PAFAH1B2: variants seen among roughly 807,000 people sequenced by gnomAD.
PAFAH1B2 encodes platelet-activating factor acetylhydrolase IB subunit alpha2.
A neutral mutation model predicts 28.0 loss-of-function variants in PAFAH1B2; 8 were observed. That is an observed-to-expected ratio of 0.29 (90% CI 0.17 to 0.52). The LOEUF (loss-of-function observed/expected upper bound fraction) is 0.52. Among genes scored for constraint, PAFAH1B2 ranks in the 20% least tolerant of loss-of-function variants. PAFAH1B2 has a pLI of 0.97. For synonymous variants in PAFAH1B2, 104 were observed against 103.2 expected (o/e 1.01, Z -0.05); for missense variants, 190 against 282.6 (o/e 0.67, Z 2.35).
At chr11:117,164,288 T>C (rs2134207236) in intron 5 of PAFAH1B2, among the ~76,000 whole-genome samples, 1 of 152,206 alleles carries the variant, frequency 6.6e-6, no homozygotes, top group South Asian at 2.1e-4. Flanking sequence ...GCGCCTGTAG[T>C]CCCAGCTACT....
At chr11:117,154,537 C>T (rs1343574840) in intron 2 of PAFAH1B2, among the ~76,000 whole-genome samples, 1 of 152,302 alleles carries the variant, frequency 6.6e-6, no homozygotes, top group South Asian at 2.1e-4. Context: ...GCTTCCCGGG[C>T]TTAAGTGATC....
intron 5 of PAFAH1B2, among the ~76,000 whole-genome samples, chr11:117,164,888 T>C (rs994890837): frequency 3.3e-5 from 5 of 151,442 alleles, no homozygotes; most frequent in Non-Finnish European, 5.9e-5. Flanking sequence ...ACAAAAAAAT[T>C]AGCTGGGCGT....
At chr11:117,166,698 T>G (rs1956519250) in intron 5 of PAFAH1B2, among the ~76,000 whole-genome samples, 1 of 152,200 alleles carries the variant, frequency 6.6e-6, no homozygotes, top group South Asian at 2.1e-4. Flanking sequence ...ATAGCTCTGA[T>G]TCATCAAGAC....
rs751547277 is a variant in PAFAH1B2, at chr11:117,169,329, A to T, written c.*1630A>T. ...AAATGGGATAATAGATGATTTTATC[A>T]GTATACCTGTGGAATATGTACAAAC... is the stretch of plus-strand genomic sequence containing the variant. On this transcript the variant is annotated 3_prime_UTR_variant, in exon 6 of 6. Transcript: ENST00000527958. 9.8e-5 allele frequency: 103 copies of T among 1,048,242 alleles called. No homozygotes were observed. Among genetic ancestry groups the T allele is most frequent in the Non-Finnish European group, 1.2e-4 (103 of 868,622 alleles). The allele number at this position is 1,048,242 out of a possible 1,614,324, so 64.9% of individuals were successfully genotyped here. A position where few individuals can be genotyped will look rare whatever the true frequency, so the allele number is the denominator to read the frequency against.
chr11:117,164,906 C>T (rs144762883), intron 5 of PAFAH1B2, among the ~76,000 whole-genome samples: 3,626 of 151,078 alleles, frequency 0.024, 76 homozygotes, highest in South Asian at 0.098. Flanking sequence ...CGTGGTGGCA[C>T]GTGCCTGTAA....
At chr11:117,175,977 G>C, downstream of PAFAH1B2, 1 of 1,500,382 alleles carries the variant, frequency 6.7e-7, no homozygotes, top group Non-Finnish European at 9.0e-7. Context: ...ATCCTACACT[G>C]ATTCTCCAAA....
chr11:117,161,537 C>T (rs970591918), intron 4 of PAFAH1B2, among the ~76,000 whole-genome samples: 8 of 140,612 alleles, frequency 5.7e-5, no homozygotes, highest in African/African-American at 1.1e-4. Context: ...GAGATGGAGT[C>T]TTGCTTTGTC....
At chr11:117,159,641 G>A (rs1229840953) in intron 2 of PAFAH1B2, 1 of 299,920 alleles carries the variant, frequency 3.3e-6, no homozygotes, top group Non-Finnish European at 6.3e-6. Context: ...TGACTGAGGT[G>A]GGAAGATGAC....
chr11:117,146,988 G>C (rs536270752), intron 1 of PAFAH1B2, among the ~76,000 whole-genome samples: 22 of 152,126 alleles, frequency 1.4e-4, no homozygotes, highest in African/African-American at 5.3e-4. Flanking sequence ...AAAAAAGCCG[G>C]CCGGGCGTGG....
In PAFAH1B2 at chr11:117,163,908, T is replaced by C. The variant is rs1288730263; in HGVS notation, c.411+16T>C. 6.2e-7 allele frequency: 1 copy of C among 1,612,058 alleles called. No homozygotes were observed. The highest frequency in any genetic ancestry group is 1.1e-5 in the South Asian group (1 of 90,730). On this transcript the variant is annotated intron_variant, in intron 5 of 5. Coordinates refer to ENST00000527958, the MANE Select transcript of PAFAH1B2 (RefSeq NM_002572.4). ...CATTGTATTGGTATGTAGTCGTTGG[T>C]GGGTAGAGAGTTTGTTATCTTTAGG...
intron 4 of PAFAH1B2, among the ~76,000 whole-genome samples, chr11:117,161,512 G>GTTT (rs35812569): frequency 7.6e-5 from 11 of 144,572 alleles, no homozygotes; most frequent in African/African-American, 1.0e-4. Context: ...TGAAGGAAGA[G>GTTT]TTTTTTTTTT....
intron 2 of PAFAH1B2, among the ~76,000 whole-genome samples, chr11:117,154,369 A>G (rs548074152): frequency 1.6e-4 from 25 of 152,356 alleles, no homozygotes; most frequent in African/African-American, 5.1e-4. Context: ...ATAGGCTTCA[A>G]TGAGCTCTGG....
At chr11:117,161,700 G>A (rs535875651) in intron 4 of PAFAH1B2, among the ~76,000 whole-genome samples, 1 of 152,116 alleles carries the variant, frequency 6.6e-6, no homozygotes, top group South Asian at 2.1e-4. Context: ...TAGAGATGGG[G>A]TTTCACCATC....
chr11:117,171,388 A>T (rs989193296), downstream of PAFAH1B2, among the ~76,000 whole-genome samples: 1 of 152,124 alleles, frequency 6.6e-6, no homozygotes, highest in Non-Finnish European at 1.5e-5. Flanking sequence ...AGTATAATAC[A>T]GTGTTATTGG....
At chr11:117,148,581 G>A (rs537246363) in intron 1 of PAFAH1B2, among the ~76,000 whole-genome samples, 2 of 152,236 alleles carry the variant, frequency 1.3e-5, no homozygotes, top group South Asian at 4.1e-4. Context: ...TTTTAGATCA[G>A]TTGTTTGTCT....
chr11:117,170,594 C>T lies in PAFAH1B2; in HGVS notation c.*2895C>T. On this transcript the variant is annotated 3_prime_UTR_variant, in exon 6 of 6. Coordinates refer to ENST00000527958, the MANE Select transcript of PAFAH1B2 (RefSeq NM_002572.4). Reference sequence around the variant, plus strand: ...ACCCAACAAAACAAATCTTGAGTAGCTCATGCCCGGCTCTTAGGAATTTTG... The same window carrying T: ...ACCCAACAAAACAAATCTTGAGTAGTTCATGCCCGGCTCTTAGGAATTTTG... 9.6e-7 allele frequency: 1 copy of T among 1,046,460 alleles called. No individual in the cohort carries two copies. Among genetic ancestry groups the T allele is most frequent in the East Asian group, 5.3e-5 (1 of 18,890 alleles). 64.8% of individuals were successfully genotyped at this position (1,046,460 alleles called of 1,614,324 possible).
chr11:117,147,276 G>A (rs1170091147), intron 1 of PAFAH1B2, among the ~76,000 whole-genome samples: 1 of 152,106 alleles, frequency 6.6e-6, no homozygotes, highest in Admixed American at 6.6e-5. Context: ...CTCAAAAAAA[G>A]AAAAGCCAGT....
At chr11:117,147,648 A>C (rs543418336) in intron 1 of PAFAH1B2, among the ~76,000 whole-genome samples, 2 of 152,244 alleles carry the variant, frequency 1.3e-5, no homozygotes, top group Admixed American at 1.3e-4. Flanking sequence ...TTACCAAGCC[A>C]TGGGCATCAG....
chr11:117,169,823 C>T lies in PAFAH1B2; in HGVS notation c.*2124C>T, dbSNP rs982533484. Reference sequence around the variant, plus strand: ...GTGTGGAAAGACAGTTTTCTATCCACGTCTTTTTCTGTTTGTCAGAAGGTG... The same window carrying T: ...GTGTGGAAAGACAGTTTTCTATCCATGTCTTTTTCTGTTTGTCAGAAGGTG... On this transcript the variant is annotated 3_prime_UTR_variant, in exon 6 of 6. Coordinates refer to ENST00000527958, the MANE Select transcript of PAFAH1B2 (RefSeq NM_002572.4). 27 of 1,055,148 alleles carry T rather than the reference C, an allele frequency of 2.6e-5. No individual in the cohort carries two copies. In the Admixed American group the frequency reaches 1.2e-3, roughly 47 times the overall value. 65.4% of individuals were successfully genotyped at this position (1,055,148 alleles called of 1,614,324 possible).
Sources: allele counts gnomAD v4.1 joint callset (sites outside exome capture counted in the v4.1 genomes callset), GRCh38; gene constraint gnomAD v4.1.1; transcripts MANE v1.5; gene names NCBI Gene and HGNC (gene_info 2026-07-23, HGNC 2026-07-21).